IST1: variants seen among roughly 807,000 people sequenced by gnomAD.
IST1 encodes IST1 homolog.
IST1 carries 23 observed loss-of-function variants against 37.0 expected under a neutral mutation model. That is an observed-to-expected ratio of 0.62 (90% CI 0.45 to 0.88). The LOEUF (loss-of-function observed/expected upper bound fraction) is 0.88. IST1 is among the 40% of genes least tolerant of loss of function. IST1 has a pLI of 0.00. For synonymous variants in IST1, 180 were observed against 161.7 expected, an observed-to-expected ratio of 1.11 and a Z score of -0.86; for missense variants, 488 against 445.4, an observed-to-expected ratio of 1.10 and a Z score of -0.86.
chr16:71,924,772 G>C lies in IST1; in HGVS notation c.856G>C (p.Asp286His). ...PATPPSYESV[D>H]DINADKNISS... ...GGTAACAATCTTTGTGTTTCAGGTA[G>C]ATGACATTAATGCTGATAAGAATAT... is the stretch of plus-strand genomic sequence containing the variant. The change falls in exon 9 of 10, where the codon GAT becomes CAT. Residue 286 changes from aspartate (D) to histidine (H), a missense_variant. Around this residue, in one of 2 missense-constraint regions of IST1, gnomAD observed 455 missense variants for 386.2 expected, o/e 1.18. Coordinates refer to ENST00000378799, the MANE Select transcript of IST1 (RefSeq NM_001270975.2). 4 of 1,607,818 alleles carry C rather than the reference G, an allele frequency of 2.5e-6. No individual in the cohort carries two copies. Among genetic ancestry groups the C allele is most frequent in the Non-Finnish European group, 8.5e-7 (1 of 1,174,218 alleles).
chr16:71,913,701 A>G (rs1043976670), intron 1 of IST1, among the ~76,000 whole-genome samples: 6 of 151,018 alleles, frequency 4.0e-5, no homozygotes, highest in Admixed American at 1.3e-4. Flanking sequence ...GGGTTTCTCC[A>G]TGTTGCCTAG....
At chr16:71,923,815 A>G (rs1034608464) in intron 8 of IST1, among the ~76,000 whole-genome samples, 1 of 152,194 alleles carries the variant, frequency 6.6e-6, no homozygotes, top group Non-Finnish European at 1.5e-5. Flanking sequence ...GTCCAGTTAC[A>G]TGTCGGCCGA....
Position 71,927,918 on chromosome 16 carries a change from C to T in IST1, c.*105C>T. The T allele has an allele frequency of 2.5e-6, 2 of 792,108 alleles. No homozygotes were observed. Among genetic ancestry groups the T allele is most frequent in the Admixed American group, 3.9e-5 (2 of 51,306 alleles). The allele number at this position is 792,108 out of a possible 1,614,324, so 49.1% of individuals were successfully genotyped here. ...ATTCTGTTTCATCTGTTAACCGTCA[C>T]TCAGCACAACACTCCCTCTGGGCTC... On this transcript the variant is annotated 3_prime_UTR_variant, in exon 10 of 10. Transcript: ENST00000378799.
chr16:71,920,970 AGT>A (rs974087818), intron 5 of IST1, 148 bp downstream of exon 5: 9 of 702,404 alleles, frequency 1.3e-5, no homozygotes, highest in Non-Finnish European at 2.3e-5. Context: ...TGTGGCTGGC[AGT>A]GTGGTCCAAT....
At chr16:71,923,188 A>G in intron 7 of IST1, 100 bp from the exon 8 acceptor site, 1 of 595,676 alleles carries the variant, frequency 1.7e-6, no homozygotes, top group Non-Finnish European at 3.0e-6. Flanking sequence ...TATATTTAGT[A>G]TGAGAATATA....
At chr16:71,895,515 G>A (rs1340283081), upstream of IST1, 7 of 985,622 alleles carry the variant, frequency 7.1e-6, no homozygotes, top group African/African-American at 5.2e-5. Context: ...GTTGTGCTGA[G>A]GCCGAGGGAG....
At position 71,916,496 on chromosome 16, in the gene IST1, T is replaced by C. The variant is rs778440873; in HGVS notation, c.123T>C (p.Ala41=). Residue 41 remains alanine, a synonymous_variant, in exon 3 of 10, where the codon GCT becomes GCC. Transcript: ENST00000378799. ...ELAQKARKEI[A]DYLAAGKDER... ...CCCAGAAAGCAAGGAAGGAGATTGC[T>C]GACTATCTGGCTGCTGGGAAAGATG... 4 of 1,613,066 alleles carry C rather than the reference T, an allele frequency of 2.5e-6. No homozygotes were observed. In the South Asian group the frequency reaches 4.4e-5, roughly 18 times the overall value.
Position 71,921,631 on chromosome 16 carries a change from TGAATGACAACACTTTGA to T in IST1, c.552+182_552+198del, listed in dbSNP as rs1470287812. The T allele has an allele frequency of 8.1e-5, 44 of 544,078 alleles. No individual in the cohort carries two copies. The Admixed American group carries it at 1.3e-3, about 16-fold the overall frequency. The allele number at this position is 544,078 out of a possible 1,614,324, so 33.7% of individuals were successfully genotyped here. On this transcript the variant is annotated intron_variant, in intron 6 of 9. Coordinates refer to ENST00000378799, the MANE Select transcript of IST1 (RefSeq NM_001270975.2). Reference sequence around the variant, plus strand: ...CTCACAGGGTACTTAAGGAATTAGATGAATGACAACACTTTGAGAAGGTCAAAACCTTGATACAAATG... The same window carrying T: ...CTCACAGGGTACTTAAGGAATTAGATGAAGGTCAAAACCTTGATACAAATG...
intron 1 of IST1, among the ~76,000 whole-genome samples, chr16:71,900,327 C>CTTTTTTTTTT (rs201344260): frequency 4.0e-5 from 4 of 100,468 alleles, no homozygotes; most frequent in Admixed American, 1.2e-4. Context: ...CTTAGGAAGT[C>CTTTTTTTTTT]TTTTTTTTTT....
chr16:71,907,516 A>T lies in IST1; in HGVS notation c.-15-8110A>T, dbSNP rs1344926775. ...GTGGTTTCGATCTTTTGACCTCGTG[A>T]TCCGCCCGCCTCGGCTTCCCAAAGT... On this transcript the variant is annotated intron_variant, in intron 1 of 9. Coordinates refer to ENST00000378799, the MANE Select transcript of IST1 (RefSeq NM_001270975.2). 5.3e-5 allele frequency among the ~76,000 whole-genome samples: 8 copies of T among 152,030 alleles called. No individual in the cohort carries two copies. The South Asian group carries it at 8.3e-4, about 16-fold the overall frequency.
At chr16:71,923,072 C>A in intron 7 of IST1, 1 of 475,738 alleles carries the variant, frequency 2.1e-6, no homozygotes. Flanking sequence ...AACACTGAAG[C>A]ACTTGATTCA....
intron 4 of IST1, among the ~76,000 whole-genome samples, chr16:71,918,652 G>A (rs758108277): frequency 2.0e-5 from 3 of 152,052 alleles, no homozygotes; most frequent in African/African-American, 4.8e-5. Context: ...TCCTGACCTC[G>A]TGATCCGCCT....
intron 1 of IST1, among the ~76,000 whole-genome samples, chr16:71,911,628 T>C (rs756142268): frequency 2.0e-5 from 3 of 152,116 alleles, no homozygotes; most frequent in Non-Finnish European, 4.4e-5. Flanking sequence ...ATTGGTGGAA[T>C]TTAGATGATT....
intron 1 of IST1, chr16:71,903,499 T>TTC (rs2037154778): frequency 6.6e-6 from 1 of 152,234 alleles, no homozygotes; most frequent in Admixed American, 6.5e-5. Flanking sequence ...GATTTCTAGT[T>TTC]TAATTCCATT....
intron 9 of IST1, among the ~76,000 whole-genome samples, chr16:71,925,171 C>A (rs2037710508): frequency 6.6e-6 from 1 of 151,574 alleles, no homozygotes; most frequent in Admixed American, 6.6e-5. Flanking sequence ...CGCCACCATG[C>A]CTGGCTAATT....
intron 4 of IST1, among the ~76,000 whole-genome samples, chr16:71,918,292 C>G (rs889363372): frequency 8.3e-6 from 1 of 120,428 alleles, no homozygotes; most frequent in African/African-American, 3.1e-5. Flanking sequence ...TGTGTAGACT[C>G]GAGTCGCTTT....
intron 1 of IST1, among the ~76,000 whole-genome samples, chr16:71,910,628 GA>G (rs899960755): frequency 6.6e-6 from 1 of 150,466 alleles, no homozygotes; most frequent in African/African-American, 2.4e-5. Flanking sequence ...AGAAAAAAAA[GA>G]AAAAAAGGTA....
chr16:71,909,416 C>A (rs1191000219), intron 1 of IST1, among the ~76,000 whole-genome samples: 14 of 152,150 alleles, frequency 9.2e-5, no homozygotes, highest in Non-Finnish European at 5.9e-5. Flanking sequence ...CATTTGTCCT[C>A]TTGAAATGAA....
chr16:71,903,430 C>A (rs2037153548), intron 1 of IST1, among the ~76,000 whole-genome samples: 2 of 152,082 alleles, frequency 1.3e-5, no homozygotes, highest in Admixed American at 6.6e-5. Context: ...TCTTTGACCT[C>A]CAAGCAGTTC....
Sources: allele counts gnomAD v4.1 joint callset (sites outside exome capture counted in the v4.1 genomes callset), GRCh38; gene constraint gnomAD v4.1.1; regional missense constraint gnomAD v4.1.1; transcripts MANE v1.5; gene names NCBI Gene and HGNC (gene_info 2026-07-23, HGNC 2026-07-21).